The following CTNNA2 variants were observed in gnomAD, a reference collection of about 807,000 sequenced individuals.
CTNNA2 encodes catenin alpha-2.
A neutral mutation model predicts 101.0 loss-of-function variants in CTNNA2; 42 were observed. That is an observed-to-expected ratio of 0.42 (90% CI 0.32 to 0.54). The LOEUF (loss-of-function observed/expected upper bound fraction) is 0.54. Ranked by LOEUF, CTNNA2 falls within the 20% of genes least tolerant of loss-of-function variation. The pLI is 0.14. For synonymous variants in CTNNA2, 450 were observed against 456.4 expected (o/e 0.99, Z 0.18); for missense variants, 871 against 1,223.1 (o/e 0.71, Z 4.29).
intron 4 of CTNNA2, among the ~76,000 whole-genome samples, chr2:79,450,966 T>C (rs1387038344): frequency 6.6e-6 from 1 of 152,054 alleles, no homozygotes; most frequent in East Asian, 1.9e-4. Flanking sequence ...CAATGCAAAT[T>C]CATACACACA....
chr2:79,454,641 C>T (rs1436639333), intron 4 of CTNNA2, among the ~76,000 whole-genome samples: 1 of 151,866 alleles, frequency 6.6e-6, no homozygotes, highest in Non-Finnish European at 1.5e-5. Context: ...ATTAACCAAG[C>T]TCAGATGAAA....
intron 7 of CTNNA2, among the ~76,000 whole-genome samples, chr2:80,284,622 CACA>C: frequency 7.7e-6 from 1 of 130,468 alleles, no homozygotes; most frequent in African/African-American, 4.3e-5. Context: ...CATTCAATCA[CACA>C]TTTTTTTTTG....
intron 6 of CTNNA2, among the ~76,000 whole-genome samples, chr2:79,900,744 T>C (rs541016705): frequency 6.6e-6 from 1 of 152,060 alleles, no homozygotes; most frequent in Non-Finnish European, 1.5e-5. Context: ...TATTAAAAGG[T>C]AAATAGAAGA....
chr2:80,411,021 C>A (rs987112192), intron 8 of CTNNA2, among the ~76,000 whole-genome samples: 3 of 152,192 alleles, frequency 2.0e-5, no homozygotes, highest in Admixed American at 6.5e-5. Flanking sequence ...TCTGCCACCA[C>A]CTGGCTTATG....
At chr2:80,368,300 T>C (rs1030066567) in intron 7 of CTNNA2, among the ~76,000 whole-genome samples, 1 of 152,190 alleles carries the variant, frequency 6.6e-6, no homozygotes, top group African/African-American at 2.4e-5. Flanking sequence ...CATTGAAAAG[T>C]ATTTCATAGA....
intron 2 of CTNNA2, among the ~76,000 whole-genome samples, chr2:79,271,199 C>A (rs562942861): frequency 6.6e-6 from 1 of 151,930 alleles, no homozygotes; most frequent in Non-Finnish European, 1.5e-5. Flanking sequence ...AATTGCTTTT[C>A]AATTTTTTTG....
intron 12 of CTNNA2, among the ~76,000 whole-genome samples, chr2:80,561,780 C>G (rs1311504658): frequency 6.6e-6 from 1 of 151,746 alleles, no homozygotes; most frequent in African/African-American, 2.4e-5. Context: ...ATTGCCTCAG[C>G]TTCCCAAGTA....
At chr2:79,213,883 TTG>T (rs1171017433) in intron 2 of CTNNA2, among the ~76,000 whole-genome samples, 1 of 152,104 alleles carries the variant, frequency 6.6e-6, no homozygotes, top group Non-Finnish European at 1.5e-5. Context: ...TGAGCATAGT[TTG>T]TGATTTTTAG....
chr2:80,083,528 A>T (rs1339213902), intron 7 of CTNNA2, among the ~76,000 whole-genome samples: 1 of 152,112 alleles, frequency 6.6e-6, no homozygotes, highest in African/African-American at 2.4e-5. Context: ...GTCAAATTGA[A>T]CATATTGGCT....
At chr2:79,949,493 C>A (rs1377848920) in intron 7 of CTNNA2, among the ~76,000 whole-genome samples, 3 of 152,068 alleles carry the variant, frequency 2.0e-5, no homozygotes, top group Non-Finnish European at 4.4e-5. Flanking sequence ...AGATGCCTGG[C>A]GAAGTGGCTC....
chr2:80,194,714 T>G (rs1454218881), intron 7 of CTNNA2, among the ~76,000 whole-genome samples: 1 of 150,478 alleles, frequency 6.6e-6, no homozygotes, highest in African/African-American at 2.4e-5. Flanking sequence ...AATACCCGTG[T>G]GTCACTATAC....
chr2:79,268,686 T>A (rs1675020303), intron 2 of CTNNA2, among the ~76,000 whole-genome samples: 1 of 152,074 alleles, frequency 6.6e-6, no homozygotes, highest in African/African-American at 2.4e-5. Context: ...TCAGTTGAAC[T>A]GTGTTGGGAG....
Position 80,052,614 on chromosome 2 carries a change from T to C in CTNNA2, c.1056+142817T>C, listed in dbSNP as rs1287472492. Among the ~76,000 whole-genome samples, 6 of 152,210 alleles carry C rather than the reference T, an allele frequency of 3.9e-5. No individual in the cohort carries two copies. In the East Asian group the frequency reaches 7.7e-4, roughly 20 times the overall value. ...TTGGTGAAGCTCTTCTTACTTCAAA[T>C]AGAGTAAAACTTAAGTGTATATTTT... On this transcript the variant is annotated intron_variant, in intron 7 of 18. Coordinates refer to ENST00000402739, the MANE Select transcript of CTNNA2 (RefSeq NM_001282597.3).
chr2:80,466,289 T>C (rs1684848778), intron 9 of CTNNA2, among the ~76,000 whole-genome samples: 1 of 152,138 alleles, frequency 6.6e-6, no homozygotes, highest in Non-Finnish European at 1.5e-5. Context: ...AAAAAGGAGA[T>C]GTACTGATGC....
chr2:80,434,485 C>CTTTTTTTTTT (rs1169944635), intron 9 of CTNNA2, among the ~76,000 whole-genome samples: 3 of 89,962 alleles, frequency 3.3e-5, no homozygotes, highest in Non-Finnish European at 4.0e-5. Context: ...TTCTGTGTCT[C>CTTTTTTTTTT]TTTTTTTTTT....
intron 9 of CTNNA2, among the ~76,000 whole-genome samples, chr2:80,495,672 C>A (rs984112598): frequency 6.6e-6 from 1 of 152,140 alleles, no homozygotes; most frequent in African/African-American, 2.4e-5. Flanking sequence ...GCACGGTTGG[C>A]TCACGCCTAT....
intron 6 of CTNNA2, among the ~76,000 whole-genome samples, chr2:79,908,360 G>A (rs1685562291): frequency 6.6e-6 from 1 of 152,142 alleles, no homozygotes; most frequent in East Asian, 1.9e-4. Flanking sequence ...CAGTAACAGA[G>A]TGGCAATTGC....
intron 3 of CTNNA2, among the ~76,000 whole-genome samples, chr2:79,834,998 A>G (rs1303850903): frequency 6.6e-6 from 1 of 152,134 alleles, no homozygotes; most frequent in Non-Finnish European, 1.5e-5. Flanking sequence ...AGCTGTTTGC[A>G]GGCTATCTAC....
rs1187717514 is a variant in CTNNA2 at position 80,237,203 on chromosome 2, G to A, written c.1057-156008G>A. On this transcript the variant is annotated intron_variant, in intron 7 of 18. Coordinates refer to ENST00000402739, the MANE Select transcript of CTNNA2 (RefSeq NM_001282597.3). ...TCTATATGATTGAGTCAAGCATATG[G>A]AGACACTGGTCCCAGCCCTGCTAAT... 3.3e-5 allele frequency among the ~76,000 whole-genome samples: 5 copies of A among 152,134 alleles called. No individual in the cohort carries two copies. In the East Asian group the frequency reaches 9.7e-4, roughly 29 times the overall value.
Sources: gnomAD v4.1 joint callset for allele counts (sites outside exome capture counted in the v4.1 genomes callset) on GRCh38, gnomAD v4.1.1 for gene constraint, MANE v1.5 for transcripts, NCBI Gene and HGNC (gene_info 2026-07-23, HGNC 2026-07-21) for gene names.